ZNF704: variants seen among roughly 807,000 people sequenced by gnomAD.
ZNF704 encodes the protein glucocorticoid induced gene 1.
ZNF704 carries 10 observed loss-of-function variants against 44.7 expected under a neutral mutation model. That is an observed-to-expected ratio of 0.22 (90% CI 0.14 to 0.38). ZNF704 has a LOEUF of 0.38. Ranked by LOEUF, ZNF704 falls within the 10% of genes least tolerant of loss-of-function variation. ZNF704 has a pLI of 1.00. For synonymous variants in ZNF704, 211 were observed against 207.6 expected (o/e 1.02, Z -0.14); for missense variants, 390 against 545.5 (o/e 0.71, Z 2.84).
At chr8:80,789,501 C>A (rs1807668113) in intron 2 of ZNF704, among the ~76,000 whole-genome samples, 1 of 152,100 alleles carries the variant, frequency 6.6e-6, no homozygotes, top group Non-Finnish European at 1.5e-5. Flanking sequence ...AATCCCAGCA[C>A]TTTGGGAGGC....
upstream of ZNF704, among the ~76,000 whole-genome samples, chr8:80,875,422 A>G (rs1809343547): frequency 6.6e-6 from 1 of 152,100 alleles, no homozygotes; most frequent in Non-Finnish European, 1.5e-5. Flanking sequence ...CTCCTGCCTC[A>G]GCCTCCTGAG....
intron 3 of ZNF704, 43 bp from the exon 4 acceptor site, chr8:80,687,501 C>T: frequency 7.1e-7 from 1 of 1,416,160 alleles, no homozygotes; most frequent in Non-Finnish European, 9.4e-7. Flanking sequence ...CCCCTGCGTG[C>T]CCGGGCATGG....
rs17558616 is a variant in ZNF704, at chr8:80,748,547, G to C, written c.222-55440C>G. ...AAGATCCCCCTAGGCCCAAACCAAC[G>C]TATTAGCAACGTCGTTCTTTTTTTA... On this transcript the variant is annotated intron_variant, in intron 2 of 8. Coordinates refer to ENST00000327835, the MANE Select transcript of ZNF704 (RefSeq NM_001033723.3). 1.0e-2 allele frequency among the ~76,000 whole-genome samples: 1,516 copies of C among 152,272 alleles called. 9 individuals are homozygous for C. Among genetic ancestry groups the C allele is most frequent in the Non-Finnish European group, 0.016 (1,087 of 68,012 alleles).
intron 2 of ZNF704, among the ~76,000 whole-genome samples, chr8:80,816,196 G>A (rs1324449033): frequency 6.6e-6 from 1 of 151,990 alleles, no homozygotes; most frequent in Non-Finnish European, 1.5e-5. Context: ...TTCCTTTGTC[G>A]ATTCTTGTCC....
chr8:80,881,924 T>C, the ZNF704 span, among the ~76,000 whole-genome samples: 5 of 152,180 alleles, frequency 3.3e-5, no homozygotes, highest in East Asian at 7.7e-4. Flanking sequence ...CGAGACTCTG[T>C]CTCAAAAATA....
At position 80,639,776 on chromosome 8, in the gene ZNF704, T is replaced by C. The variant is rs1406172950; in HGVS notation, c.*1590A>G. 4 of 152,778 alleles carry C rather than the reference T, an allele frequency of 2.6e-5. No homozygotes were observed. Among genetic ancestry groups the C allele is most frequent in the African/African-American group, 9.6e-5 (4 of 41,574 alleles). The allele number at this position is 152,778 out of a possible 1,614,324, so 9.5% of individuals were successfully genotyped here. A position where few individuals can be genotyped will look rare whatever the true frequency, so the allele number is the denominator to read the frequency against. On this transcript the variant is annotated 3_prime_UTR_variant, in exon 9 of 9. Coordinates refer to ENST00000327835, the MANE Select transcript of ZNF704 (RefSeq NM_001033723.3). ...CTTTTTACGCTTAAAAAAGTGTATG[T>C]ATAATCTCTAGACATATATTAAACT... is the stretch of plus-strand genomic sequence containing the variant.
intron 1 of ZNF704, among the ~76,000 whole-genome samples, chr8:80,836,498 C>G (rs899968431): frequency 6.6e-6 from 1 of 152,186 alleles, no homozygotes; most frequent in East Asian, 1.9e-4. Context: ...ATCATTCTAG[C>G]CAGGTGTGGT....
intron 2 of ZNF704, among the ~76,000 whole-genome samples, chr8:80,763,202 C>T (rs1278399626): frequency 6.6e-6 from 1 of 152,232 alleles, no homozygotes; most frequent in Non-Finnish European, 1.5e-5. Flanking sequence ...CACAGCTCCA[C>T]TTGGCAGTGT....
chr8:80,866,885 C>T (rs190547959), intron 1 of ZNF704, among the ~76,000 whole-genome samples: 1 of 152,282 alleles, frequency 6.6e-6, no homozygotes, highest in Non-Finnish European at 1.5e-5. Flanking sequence ...GCTAGGATTA[C>T]AGGTGCACCA....
chr8:80,646,192 A>T (rs1817831050), intron 7 of ZNF704, among the ~76,000 whole-genome samples: 1 of 152,220 alleles, frequency 6.6e-6, no homozygotes, highest in Non-Finnish European at 1.5e-5. Context: ...AAAATTATAC[A>T]GGTAGGGCCA....
At chr8:80,657,179 T>C (rs1244091807) in intron 7 of ZNF704, among the ~76,000 whole-genome samples, 1 of 152,160 alleles carries the variant, frequency 6.6e-6, no homozygotes, top group Non-Finnish European at 1.5e-5. Context: ...TGCTTGTTTT[T>C]TTTAGAGCAT....
At chr8:80,681,275 T>A (rs1281065628) in intron 4 of ZNF704, among the ~76,000 whole-genome samples, 1 of 152,218 alleles carries the variant, frequency 6.6e-6, no homozygotes, top group Non-Finnish European at 1.5e-5. Context: ...TAAGTGTATA[T>A]TTAACTTTCT....
rs567886337 is a variant in ZNF704 at position 80,762,510 on chromosome 8, C to T, written c.221+58864G>A. Among the ~76,000 whole-genome samples, 40 of 152,198 alleles carry T rather than the reference C, an allele frequency of 2.6e-4. No individual in the cohort carries two copies. The South Asian group carries it at 6.6e-3, about 25-fold the overall frequency. On this transcript the variant is annotated intron_variant, in intron 2 of 8. Transcript: ENST00000327835. ...TCTCATGAGAACCCACTCACTGTCACGAGAACAGCATGGGGGAAACTGGTC... is the reference window on the plus strand; with the variant it reads ...TCTCATGAGAACCCACTCACTGTCATGAGAACAGCATGGGGGAAACTGGTC...
chr8:80,704,446 A>C (rs1585967744), intron 2 of ZNF704, among the ~76,000 whole-genome samples: 1 of 152,192 alleles, frequency 6.6e-6, no homozygotes, highest in Non-Finnish European at 1.5e-5. Context: ...AATCCTTGGA[A>C]TCTCCAGTGA....
intron 2 of ZNF704, among the ~76,000 whole-genome samples, chr8:80,736,744 T>C (rs1208469258): frequency 6.6e-6 from 1 of 152,150 alleles, no homozygotes; most frequent in Non-Finnish European, 1.5e-5. Flanking sequence ...TTGGGTATAG[T>C]GTACACTGCT....
At chr8:80,780,597 A>C (rs1473291250) in intron 2 of ZNF704, among the ~76,000 whole-genome samples, 1 of 152,166 alleles carries the variant, frequency 6.6e-6, no homozygotes, top group Non-Finnish European at 1.5e-5. Flanking sequence ...TGTGAGCCCC[A>C]GGTCCCATGA....
intron 2 of ZNF704, among the ~76,000 whole-genome samples, chr8:80,728,477 A>G (rs1806522106): frequency 6.6e-6 from 1 of 152,202 alleles, no homozygotes; most frequent in African/African-American, 2.4e-5. Context: ...TAGACATGCA[A>G]TTTTGTAAAG....
chr8:80,879,827 A>C, the ZNF704 span, among the ~76,000 whole-genome samples: 6 of 152,258 alleles, frequency 3.9e-5, 1 homozygote, highest in East Asian at 1.2e-3. Flanking sequence ...ATATTTTCAT[A>C]TCTCTGAGGC....
intron 7 of ZNF704, among the ~76,000 whole-genome samples, chr8:80,654,972 A>C (rs1361910721): frequency 4.6e-5 from 7 of 152,348 alleles, no homozygotes; most frequent in Admixed American, 2.0e-4. Context: ...CTGGATTAAG[A>C]AAATGTGGCA....
Sources: gnomAD v4.1 joint callset for allele counts (sites outside exome capture counted in the v4.1 genomes callset) on GRCh38, gnomAD v4.1.1 for gene constraint, MANE v1.5 for transcripts, NCBI Gene and HGNC (gene_info 2026-07-23, HGNC 2026-07-21) for gene names.